Variants in MAN2A1 observed in about 807,000 individuals in gnomAD.
MAN2A1 encodes the protein alpha-mannosidase 2.
Under a neutral mutation model 142.6 loss-of-function variants are expected in MAN2A1, and 76 were observed. The ratio of observed to expected loss-of-function variants is 0.53; its 90% CI spans 0.44 to 0.65. The LOEUF is 0.65. MAN2A1 is among the 30% of genes least tolerant of loss of function. The pLI, the probability that MAN2A1 is intolerant of heterozygous loss-of-function variation, is 0.00. For missense variants in MAN2A1, 1,311 were observed against 1,365.1 expected, an observed-to-expected ratio of 0.96 and a Z score of 0.62; for synonymous variants, 559 against 473.2, an observed-to-expected ratio of 1.18 and a Z score of -2.35.
chr5:109,731,763 G>T (rs867982690), intron 4 of MAN2A1, among the ~76,000 whole-genome samples: 2 of 151,658 alleles, frequency 1.3e-5, no homozygotes, highest in African/African-American at 4.9e-5. Context: ...GTCTATCATT[G>T]TTGGACATTT....
chr5:109,767,683 G>A lies in MAN2A1; in HGVS notation c.984G>A (p.Leu328=). 6.2e-7 allele frequency: 1 copy of A among 1,612,670 alleles called. No individual in the cohort carries two copies. Among genetic ancestry groups the A allele is most frequent in the Non-Finnish European group, 8.5e-7 (1 of 1,179,490 alleles). ...VKKHFALHKT[L]EFFWRQNWDL... ...AACACTTTGCACTGCATAAAACATT[G>A]GAGTTTTTTTGGAGACAGAATTGGG... Residue 328 remains leucine, a synonymous_variant, in exon 6 of 22, where the codon TTG becomes TTA. Coordinates refer to ENST00000261483, the MANE Select transcript of MAN2A1 (RefSeq NM_002372.4).
chr5:109,830,471 G>A (rs929798206), intron 16 of MAN2A1, among the ~76,000 whole-genome samples: 1 of 152,224 alleles, frequency 6.6e-6, no homozygotes, highest in Non-Finnish European at 1.5e-5. Flanking sequence ...AGGCCAAGAA[G>A]TGATTAAATT....
intron 4 of MAN2A1, among the ~76,000 whole-genome samples, chr5:109,749,488 TA>T (rs1440248520): frequency 6.6e-6 from 1 of 152,170 alleles, no homozygotes; most frequent in Admixed American, 6.6e-5. Context: ...CAACTCAGTG[TA>T]AAAAGTGAAA....
chr5:109,859,462 G>A (rs573788291), intron 20 of MAN2A1, among the ~76,000 whole-genome samples: 8 of 152,146 alleles, frequency 5.3e-5, no homozygotes, highest in East Asian at 1.9e-4. Flanking sequence ...AGCATGCTGC[G>A]TGGCCTTGCC....
chr5:109,868,708 T>C lies in MAN2A1; in HGVS notation c.*1710T>C, dbSNP rs1755939990. 6.6e-6 allele frequency: 1 copy of C among 152,096 alleles called. No homozygotes were observed. Among genetic ancestry groups the C allele is most frequent in the Admixed American group, 6.6e-5 (1 of 15,256 alleles). The allele number at this position is 152,096 out of a possible 1,614,324, so 9.4% of individuals were successfully genotyped here. On this transcript the variant is annotated 3_prime_UTR_variant, in exon 22 of 22. Coordinates refer to ENST00000261483, the MANE Select transcript of MAN2A1 (RefSeq NM_002372.4). ...TATTACAAGGGGTAATTTCATGCAA[T>C]AAACATGTACCGTAAGTTTTCTTCC... is the stretch of plus-strand genomic sequence containing the variant.
At chr5:109,849,438 C>A (rs1321771035) in intron 19 of MAN2A1, among the ~76,000 whole-genome samples, 1 of 152,136 alleles carries the variant, frequency 6.6e-6, no homozygotes, top group Admixed American at 6.5e-5. Flanking sequence ...CAGTGTTCCC[C>A]CCAGTCAACA....
At chr5:109,859,831 G>A (rs1308436816) in intron 20 of MAN2A1, among the ~76,000 whole-genome samples, 1 of 151,574 alleles carries the variant, frequency 6.6e-6, no homozygotes, top group Non-Finnish European at 1.5e-5. Context: ...GCTTCATGGA[G>A]CCATTCTACT....
At position 109,866,868 on chromosome 5, in the gene MAN2A1, A is replaced by G; in HGVS notation, c.3305A>G (p.Asn1102Ser). The G allele has an allele frequency of 6.2e-7, 1 of 1,607,140 alleles. No homozygotes were observed. Among genetic ancestry groups the G allele is most frequent in the Middle Eastern group, 1.7e-4 (1 of 6,038 alleles). Residue 1102 changes from asparagine (N) to serine (S), a missense_variant, in exon 22 of 22, where the codon AAC becomes AGC. By Grantham distance (46) the Asn-to-Ser change is conservative. Around this residue, in one of 3 missense-constraint regions of MAN2A1, gnomAD observed 890 missense variants for 920.5 expected, o/e 0.97. Coordinates refer to ENST00000261483, the MANE Select transcript of MAN2A1 (RefSeq NM_002372.4). ...CAGATATTGGTACAGAAACTTTTAA[A>G]CAAGTTTATTGTCGAAAGTCTCACA... ...QGKILVQKLL[N>S]KFIVESLTPS...
chr5:109,850,060 T>A (rs1305454288), intron 19 of MAN2A1, among the ~76,000 whole-genome samples: 1 of 152,204 alleles, frequency 6.6e-6, no homozygotes, highest in African/African-American at 2.4e-5. Context: ...TCCCCTATGC[T>A]GCCTCCAAAC....
intron 16 of MAN2A1, among the ~76,000 whole-genome samples, chr5:109,830,398 T>C (rs1461332014): frequency 6.6e-6 from 1 of 152,208 alleles, no homozygotes; most frequent in Non-Finnish European, 1.5e-5. Context: ...TAGTTTCACA[T>C]AAAATCTCTT....
chr5:109,775,309 G>T (rs1468134091), intron 8 of MAN2A1, among the ~76,000 whole-genome samples: 1 of 152,012 alleles, frequency 6.6e-6, no homozygotes, highest in African/African-American at 2.4e-5. Context: ...TTGAAAGTCT[G>T]TTATTTCTCT....
intron 10 of MAN2A1, 146 bp from the exon 11 acceptor site, chr5:109,788,788 G>A: frequency 1.8e-6 from 1 of 555,394 alleles, no homozygotes; most frequent in Non-Finnish European, 3.2e-6. Context: ...GGGGAAAAAA[G>A]AGCAGGTTTG....
At chr5:109,811,674 T>C (rs913869545) in intron 12 of MAN2A1, among the ~76,000 whole-genome samples, 7 of 151,950 alleles carry the variant, frequency 4.6e-5, no homozygotes, top group African/African-American at 1.5e-4. Flanking sequence ...CTTTGTCTTA[T>C]TGCCTACCCT....
intron 12 of MAN2A1, 80 bp downstream of exon 12, chr5:109,789,607 G>A (rs974606475): frequency 2.1e-6 from 2 of 934,376 alleles, no homozygotes; most frequent in Admixed American, 6.4e-5. Context: ...TTTTTAGTTA[G>A]CGTATATTTT....
intron 4 of MAN2A1, among the ~76,000 whole-genome samples, chr5:109,744,285 G>T (rs541336734): frequency 1.4e-4 from 22 of 152,056 alleles, no homozygotes; most frequent in Non-Finnish European, 2.9e-4. Flanking sequence ...AGGCAAGAAG[G>T]GGGTCTTGGA....
intron 12 of MAN2A1, among the ~76,000 whole-genome samples, chr5:109,806,314 T>C (rs1754164680): frequency 6.6e-6 from 1 of 152,112 alleles, no homozygotes; most frequent in African/African-American, 2.4e-5. Flanking sequence ...TACATAACCA[T>C]GAGTAGGATA....
In MAN2A1 at chr5:109,748,259, C is replaced by T. The variant is rs537313690; in HGVS notation, c.708-7070C>T. ...ATCCTTAACATCACAGTATGTTATACAACTTTTTGATCTTCTTATCTGATA... is the reference window on the plus strand; with the variant it reads ...ATCCTTAACATCACAGTATGTTATATAACTTTTTGATCTTCTTATCTGATA... On this transcript the variant is annotated intron_variant, in intron 4 of 21. Transcript: ENST00000261483. Among the ~76,000 whole-genome samples, 4 of 152,256 alleles carry T rather than the reference C, an allele frequency of 2.6e-5. No homozygotes were observed. The East Asian group carries it at 5.8e-4, about 22-fold the overall frequency.
chr5:109,700,949 C>T (rs747197737), intron 1 of MAN2A1, among the ~76,000 whole-genome samples: 17 of 152,216 alleles, frequency 1.1e-4, no homozygotes, highest in South Asian at 2.1e-4. Context: ...ACAAAACTGC[C>T]GTTTGTGAAA....
intron 17 of MAN2A1, among the ~76,000 whole-genome samples, chr5:109,843,746 A>G (rs538518890): frequency 5.9e-5 from 9 of 152,342 alleles, no homozygotes; most frequent in Admixed American, 2.0e-4. Flanking sequence ...CAGGTTGTCA[A>G]TTCTCCAATT....
Sources: allele counts gnomAD v4.1 joint callset (sites outside exome capture counted in the v4.1 genomes callset), GRCh38; gene constraint gnomAD v4.1.1; regional missense constraint gnomAD v4.1.1; transcripts MANE v1.5; gene names NCBI Gene and HGNC (gene_info 2026-07-23, HGNC 2026-07-21).